Variants in DNAH11 observed in about 807,000 individuals in gnomAD.
The protein encoded by DNAH11 is axonemal beta dynein heavy chain 11.
DNAH11 carries 442 observed loss-of-function variants against 526.0 expected under a neutral mutation model. The observed-to-expected ratio is 0.84, with a 90% confidence interval of 0.78 to 0.91. The LOEUF (loss-of-function observed/expected upper bound fraction) is 0.91, where lower values mean the gene tolerates loss of function less well. Ranked by LOEUF, DNAH11 falls within the 40% of genes least tolerant of loss-of-function variation. DNAH11 has a pLI of 0.00. For synonymous variants in DNAH11, 2,461 were observed against 1,935.9 expected (o/e 1.27, Z -7.12); for missense variants, 6,989 against 5,448.7 (o/e 1.28, Z -8.90).
At chr7:21,737,777 A>G (rs1389836147) in intron 46 of DNAH11, among the ~76,000 whole-genome samples, 1 of 152,188 alleles carries the variant, frequency 6.6e-6, no homozygotes, top group Non-Finnish European at 1.5e-5. Context: ...GGCAAAAGGA[A>G]AGAGGTGAAT....
Position 21,728,237 on chromosome 7 carries a change from C to CTTTT in DNAH11, c.7440+2288_7440+2291dup, listed in dbSNP as rs71026816. ...TCACCCATTCCAACAGCCCACAATT[C>CTTTT]TTTTTTTTTTTTTTTTTTTTTTTTT... is the stretch of plus-strand genomic sequence containing the variant. On this transcript the variant is annotated intron_variant, in intron 45 of 81. Transcript: ENST00000409508. 6.8e-5 allele frequency among the ~76,000 whole-genome samples: 4 copies of CTTTT among 58,946 alleles called. 1 individual carries two copies. The highest frequency in any genetic ancestry group is 3.1e-4 in the African/African-American group (4 of 13,086). The allele number at this position is 58,946 out of a possible 152,430, so 38.7% of individuals were successfully genotyped here.
intron 73 of DNAH11, among the ~76,000 whole-genome samples, chr7:21,869,264 C>G (rs1783407761): frequency 6.6e-6 from 1 of 152,174 alleles, no homozygotes; most frequent in African/African-American, 2.4e-5. Context: ...TTAGAGATAT[C>G]TGGAACACTC....
chr7:21,812,113 G>A (rs1370613986), intron 63 of DNAH11, among the ~76,000 whole-genome samples: 2 of 152,174 alleles, frequency 1.3e-5, no homozygotes, highest in Non-Finnish European at 2.9e-5. Context: ...CATGAAAGAT[G>A]TCAAGGCCAG....
At chr7:21,636,671 T>G (rs1786880331) in intron 26 of DNAH11, among the ~76,000 whole-genome samples, 1 of 152,112 alleles carries the variant, frequency 6.6e-6, no homozygotes, top group African/African-American at 2.4e-5. Context: ...CAAGGTAGTT[T>G]GAGGTTGCAG....
chr7:21,604,944 A>G (rs1186826456), intron 18 of DNAH11, among the ~76,000 whole-genome samples: 1 of 152,188 alleles, frequency 6.6e-6, no homozygotes, highest in African/African-American at 2.4e-5. Flanking sequence ...TTTAAAGCCC[A>G]GGTCCCTTGG....
Position 21,803,600 on chromosome 7 carries a change from C to CA in DNAH11, c.10165+2339dup, listed in dbSNP as rs5882826. Reference sequence around the variant, plus strand: ...CTAACTCCACCCCACACCTCCTGCCCAAAAAAAAAAAAAAGTCTGGAAAAG... The same window carrying CA: ...CTAACTCCACCCCACACCTCCTGCCCAAAAAAAAAAAAAAAGTCTGGAAAAG... On this transcript the variant is annotated intron_variant, in intron 62 of 81. Coordinates refer to ENST00000409508, the MANE Select transcript of DNAH11 (RefSeq NM_001277115.2). Among the ~76,000 whole-genome samples, 34 of 137,634 alleles carry CA rather than the reference C, an allele frequency of 2.5e-4. 1 individual carries two copies. Among genetic ancestry groups the CA allele is most frequent in the African/African-American group, 4.5e-4 (17 of 37,660 alleles). 90.3% of individuals were successfully genotyped at this position (137,634 alleles called of 152,430 possible). A position where few individuals can be genotyped will look rare whatever the true frequency, so the allele number is the denominator to read the frequency against.
At chr7:21,838,497 G>C (rs999298102) in intron 65 of DNAH11, among the ~76,000 whole-genome samples, 1 of 152,118 alleles carries the variant, frequency 6.6e-6, no homozygotes, top group Non-Finnish European at 1.5e-5. Context: ...AATGGAAATT[G>C]CTGTATCTTT....
chr7:21,878,827 C>T (rs1448734177), intron 74 of DNAH11, among the ~76,000 whole-genome samples: 2 of 152,144 alleles, frequency 1.3e-5, no homozygotes, highest in Admixed American at 6.5e-5. Flanking sequence ...CTGAACTACT[C>T]ACACTGGTTC....
chr7:21,746,352 C>T (rs545659477), intron 51 of DNAH11, among the ~76,000 whole-genome samples: 10 of 151,690 alleles, frequency 6.6e-5, no homozygotes, highest in Admixed American at 3.9e-4. Flanking sequence ...ACCTGTAATC[C>T]CAGCACTTTG....
Position 21,574,867 on chromosome 7 carries a change from C to CTTTTTTTT in DNAH11, c.1593+2914_1593+2921dup, listed in dbSNP as rs869117425. ...TACAGGCGTGAGCCACTGCACTGGGCTTTTTTTTTTTTTTTTTTTTTTTTT... is the reference window on the plus strand; with the variant it reads ...TACAGGCGTGAGCCACTGCACTGGGCTTTTTTTTTTTTTTTTTTTTTTTTTTTTTTTTT... On this transcript the variant is annotated intron_variant, in intron 8 of 81. Coordinates refer to ENST00000409508, the MANE Select transcript of DNAH11 (RefSeq NM_001277115.2). Among the ~76,000 whole-genome samples the CTTTTTTTT allele has an allele frequency of 2.8e-4, 12 of 42,862 alleles. 1 individual carries two copies. Among genetic ancestry groups the CTTTTTTTT allele is most frequent in the African/African-American group, 9.9e-4 (8 of 8,084 alleles). 28.1% of individuals were successfully genotyped at this position (42,862 alleles called of 152,430 possible).
At chr7:21,818,417 A>G in intron 65 of DNAH11, 78 bp downstream of exon 65, 1 of 1,510,906 alleles carries the variant, frequency 6.6e-7, no homozygotes. Context: ...TTCATAGTCA[A>G]GCAGTCTATT....
intron 1 of DNAH11, chr7:21,543,922 A>C: frequency 2.7e-6 from 1 of 367,322 alleles, no homozygotes; most frequent in Non-Finnish European, 4.9e-6. Context: ...TCTGTGCCAA[A>C]AAACTTGCGT....
Position 21,787,539 on chromosome 7 carries a change from G to C in DNAH11, c.9880G>C (p.Ala3294Pro), listed in dbSNP as rs753284739. The change falls in exon 60 of 82, where the codon GCT becomes CCT. Residue 3294 changes from alanine (A) to proline (P), a missense_variant. Coordinates refer to ENST00000409508, the MANE Select transcript of DNAH11 (RefSeq NM_001277115.2). Reference protein sequence around the residue: ...NLIRTKSFAAAGLCAWVINII... With the variant: ...NLIRTKSFAAPGLCAWVINII... ...GATTCGAACCAAATCTTTTGCAGCA[G>C]CTGGCCTGTGTGCCTGGGTCATCAA... 5.0e-6 allele frequency: 8 copies of C among 1,613,150 alleles called. No individual in the cohort carries two copies. The highest frequency in any genetic ancestry group is 5.1e-6 in the Non-Finnish European group (6 of 1,179,604).
intron 71 of DNAH11, among the ~76,000 whole-genome samples, chr7:21,866,984 C>T (rs891514419): frequency 6.6e-6 from 1 of 152,160 alleles, no homozygotes; most frequent in Non-Finnish European, 1.5e-5. Flanking sequence ...CATGCATTAT[C>T]CAAGTGTAAT....
chr7:21,764,961 A>G (rs953120808), intron 54 of DNAH11, among the ~76,000 whole-genome samples: 1 of 152,240 alleles, frequency 6.6e-6, no homozygotes, highest in Non-Finnish European at 1.5e-5. Flanking sequence ...TTCATTTTAA[A>G]TGGAAACACA....
At chr7:21,818,640 T>C (rs138733149) in intron 65 of DNAH11, among the ~76,000 whole-genome samples, 29 of 152,350 alleles carry the variant, frequency 1.9e-4, no homozygotes, top group African/African-American at 6.7e-4. Context: ...CTAACTTCAG[T>C]AATTTGCAGA....
chr7:21,865,913 T>C (rs1360400018), intron 70 of DNAH11, among the ~76,000 whole-genome samples: 2 of 152,206 alleles, frequency 1.3e-5, no homozygotes, highest in Non-Finnish European at 2.9e-5. Context: ...TTCCTGACGT[T>C]ACCATGGCAT....
intron 65 of DNAH11, among the ~76,000 whole-genome samples, chr7:21,841,558 G>T (rs1782204289): frequency 6.6e-6 from 1 of 152,026 alleles, no homozygotes; most frequent in Admixed American, 6.5e-5. Context: ...AGCTGTGCAT[G>T]TTAGGTGAGC....
In DNAH11 at chr7:21,601,206, T is replaced by C. The variant is rs1357930303; in HGVS notation, c.3425+27T>C. The C allele has an allele frequency of 1.9e-6, 3 of 1,574,912 alleles. No homozygotes were observed. In the East Asian group the frequency reaches 6.7e-5, roughly 35 times the overall value. ...TAGCCTTTTACTTTGGTTTTTGGAA[T>C]TATAACTTTCTAAACTGCTTTCTAA... is the stretch of plus-strand genomic sequence containing the variant. On this transcript the variant is annotated intron_variant, in intron 17 of 81. Transcript: ENST00000409508.
Sources: allele counts gnomAD v4.1 joint callset (sites outside exome capture counted in the v4.1 genomes callset), GRCh38; gene constraint gnomAD v4.1.1; transcripts MANE v1.5; gene names NCBI Gene and HGNC (gene_info 2026-07-23, HGNC 2026-07-21).